Variants in MTPN observed in about 807,000 individuals in gnomAD.
MTPN encodes the protein myotrophin.
In MTPN, 2 loss-of-function variants were observed where a neutral mutation model predicts 13.5. The observed-to-expected ratio is 0.15, with a 90% confidence interval of 0.06 to 0.47. The LOEUF (loss-of-function observed/expected upper bound fraction) is 0.47. Ranked by LOEUF, MTPN falls within the 20% of genes least tolerant of loss-of-function variation. The pLI, the probability that MTPN is intolerant of heterozygous loss-of-function variation, is 0.97. For synonymous variants in MTPN, 46 were observed against 51.7 expected, an observed-to-expected ratio of 0.89 and a Z score of 0.48; for missense variants, 79 against 137.9, an observed-to-expected ratio of 0.57 and a Z score of 2.14.
intron 3 of MTPN, among the ~76,000 whole-genome samples, chr7:135,931,560 T>C (rs905294511): frequency 1.3e-5 from 2 of 152,270 alleles, no homozygotes; most frequent in Middle Eastern, 3.4e-3. Flanking sequence ...CAGGGTCAAG[T>C]GGGAGAGACG....
chr7:135,965,454 G>T (rs1244258603), intron 1 of MTPN, among the ~76,000 whole-genome samples: 2 of 152,038 alleles, frequency 1.3e-5, no homozygotes, highest in Non-Finnish European at 2.9e-5. Flanking sequence ...TATTTTCTAA[G>T]GACTTAAGTT....
intron 3 of MTPN, among the ~76,000 whole-genome samples, chr7:135,936,313 C>T (rs1489277294): frequency 2.6e-5 from 4 of 152,090 alleles, no homozygotes; most frequent in Non-Finnish European, 5.9e-5. Context: ...GGCGAAACCC[C>T]GTCTGTACTA....
At chr7:135,940,684 T>C (rs774364708) in intron 3 of MTPN, among the ~76,000 whole-genome samples, 10 of 152,186 alleles carry the variant, frequency 6.6e-5, no homozygotes, top group African/African-American at 2.4e-5. Flanking sequence ...CCACATTTAG[T>C]TGAAAATTAC....
chr7:135,971,668 G>A (rs954583173), intron 1 of MTPN, among the ~76,000 whole-genome samples: 1 of 152,064 alleles, frequency 6.6e-6, no homozygotes, highest in African/African-American at 2.4e-5. Context: ...AATGCTCATG[G>A]CTTACTGTTG....
chr7:135,938,377 G>T (rs1022070302), intron 3 of MTPN, among the ~76,000 whole-genome samples: 2 of 152,188 alleles, frequency 1.3e-5, no homozygotes, highest in African/African-American at 2.4e-5. Flanking sequence ...ACTTTGGAAA[G>T]AAAGCAATTT....
rs1380080869 is a variant in MTPN at position 135,928,174 on chromosome 7, CA to C, written c.*1751del. Reference sequence around the variant, plus strand: ...TTAAGACAGCAAAATTAGCCAAATACAACAAAGTATTTAAACCACTACTTTG... The same window carrying C: ...TTAAGACAGCAAAATTAGCCAAATACACAAAGTATTTAAACCACTACTTTG... On this transcript the variant is annotated 3_prime_UTR_variant, in exon 4 of 4. Coordinates refer to ENST00000393085, the MANE Select transcript of MTPN (RefSeq NM_145808.4). The C allele has an allele frequency of 3.6e-5, 6 of 167,856 alleles. No individual in the cohort carries two copies. Among genetic ancestry groups the C allele is most frequent in the African/African-American group, 1.2e-4 (5 of 41,422 alleles). The allele number at this position is 167,856 out of a possible 1,614,324, so 10.4% of individuals were successfully genotyped here.
chr7:135,957,279 A>G (rs1483898523), intron 1 of MTPN, among the ~76,000 whole-genome samples: 1 of 152,166 alleles, frequency 6.6e-6, no homozygotes, highest in Non-Finnish European at 1.5e-5. Context: ...CTGTATCTGG[A>G]ACCACCATAG....
chr7:135,933,755 A>G (rs1799066974), intron 3 of MTPN, among the ~76,000 whole-genome samples: 1 of 152,190 alleles, frequency 6.6e-6, no homozygotes, highest in South Asian at 2.1e-4. Context: ...TAATGAATTA[A>G]AATGGTTTGG....
At chr7:135,969,831 C>T (rs896260203) in intron 1 of MTPN, among the ~76,000 whole-genome samples, 10 of 152,066 alleles carry the variant, frequency 6.6e-5, no homozygotes, top group African/African-American at 9.7e-5. Flanking sequence ...AGAGTTTATA[C>T]AAACCAATAA....
chr7:135,954,051 T>C (rs1469287771), intron 1 of MTPN, among the ~76,000 whole-genome samples: 1 of 152,332 alleles, frequency 6.6e-6, no homozygotes, highest in East Asian at 1.9e-4. Flanking sequence ...ACTCCAACTC[T>C]ACCACTTAGT....
intron 3 of MTPN, among the ~76,000 whole-genome samples, chr7:135,938,984 C>T (rs1008295915): frequency 5.9e-5 from 9 of 151,854 alleles, no homozygotes; most frequent in Admixed American, 4.6e-4. Context: ...GGCTTTTTTT[C>T]CCCCCACAGT....
chr7:135,927,966 C>T lies in MTPN; in HGVS notation c.*1960G>A, dbSNP rs547336678. The T allele has an allele frequency of 9.8e-5, 29 of 295,656 alleles. No individual in the cohort carries two copies. Among genetic ancestry groups the T allele is most frequent in the African/African-American group, 6.4e-4 (28 of 43,932 alleles). 18.3% of individuals were successfully genotyped at this position (295,656 alleles called of 1,614,324 possible). A position where few individuals can be genotyped will look rare whatever the true frequency, so the allele number is the denominator to read the frequency against. On this transcript the variant is annotated 3_prime_UTR_variant, in exon 4 of 4. Coordinates refer to ENST00000393085, the MANE Select transcript of MTPN (RefSeq NM_145808.4). ...AATTATATAAAGGGAAAAATTCAAGCCTTTAAATAGCATTATGTCAAGAGG... is the reference window on the plus strand; with the variant it reads ...AATTATATAAAGGGAAAAATTCAAGTCTTTAAATAGCATTATGTCAAGAGG...
intron 3 of MTPN, among the ~76,000 whole-genome samples, chr7:135,946,380 A>C (rs1048743172): frequency 6.6e-6 from 1 of 152,258 alleles, no homozygotes; most frequent in African/African-American, 2.4e-5. Context: ...CTCACCTTGT[A>C]GCACTTAGGG....
chr7:135,963,688 A>C (rs912990154), intron 1 of MTPN, among the ~76,000 whole-genome samples: 1 of 152,072 alleles, frequency 6.6e-6, no homozygotes, highest in Non-Finnish European at 1.5e-5. Flanking sequence ...CAAACTTTCA[A>C]TGATACAAAT....
intron 1 of MTPN, among the ~76,000 whole-genome samples, chr7:135,955,841 T>TTA (rs1554394275): frequency 2.1e-5 from 3 of 145,550 alleles, no homozygotes; most frequent in African/African-American, 7.6e-5. Context: ...CAATGGATTA[T>TTA]AAAAAAAAAA....
intron 3 of MTPN, among the ~76,000 whole-genome samples, chr7:135,937,390 CACACACACACAA>C (rs1799132042): frequency 6.9e-6 from 1 of 145,920 alleles, no homozygotes; most frequent in Admixed American, 6.8e-5. Context: ...CACACACACA[CACACACACACAA>C]AACCTCTCTC....
At chr7:135,935,959 A>G (rs970972943) in intron 3 of MTPN, among the ~76,000 whole-genome samples, 5 of 152,024 alleles carry the variant, frequency 3.3e-5, no homozygotes, top group African/African-American at 9.7e-5. Context: ...ATTCTTATTC[A>G]TAACACACTA....
At chr7:135,930,063 G>A (rs1240608008) in intron 3 of MTPN, 51 bp from the exon 4 acceptor site, 3 of 1,502,408 alleles carry the variant, frequency 2.0e-6, no homozygotes, top group East Asian at 2.3e-5. Flanking sequence ...CTGGGGGAAG[G>A]GAATGTAAGA....
At chr7:135,975,681 C>T (rs1237921047) in intron 1 of MTPN, among the ~76,000 whole-genome samples, 1 of 152,204 alleles carries the variant, frequency 6.6e-6, no homozygotes, top group Non-Finnish European at 1.5e-5. Context: ...TGTCCCACCA[C>T]TGGTAAGTGT....
Sources: gnomAD v4.1 joint callset for allele counts (sites outside exome capture counted in the v4.1 genomes callset) on GRCh38, gnomAD v4.1.1 for gene constraint, MANE v1.5 for transcripts, NCBI Gene and HGNC (gene_info 2026-07-23, HGNC 2026-07-21) for gene names.